FHIT: variants seen among roughly 807,000 people sequenced by gnomAD.
FHIT encodes fragile histidine triad diadenosine triphosphatase.
In FHIT, 19 loss-of-function variants were observed where a neutral mutation model predicts 17.9. That is an observed-to-expected ratio of 1.06 (90% CI 0.74 to 1.56). The LOEUF is 1.56. FHIT is among the 40% of genes most tolerant of loss of function. The pLI, the probability that FHIT is intolerant of heterozygous loss-of-function variation, is 0.00. For synonymous variants in FHIT, 81 were observed against 69.7 expected (o/e 1.16, Z -0.81); for missense variants, 248 against 189.2 (o/e 1.31, Z -1.82).
chr3:60,295,859 G>A (rs1412954748), intron 5 of FHIT, among the ~76,000 whole-genome samples: 2 of 152,110 alleles, frequency 1.3e-5, no homozygotes, highest in African/African-American at 4.8e-5. Flanking sequence ...AGGGTGATAT[G>A]GTTTGGCTGT....
intron 5 of FHIT, among the ~76,000 whole-genome samples, chr3:60,217,148 T>A (rs1221212532): frequency 6.6e-6 from 1 of 152,206 alleles, no homozygotes; most frequent in Non-Finnish European, 1.5e-5. Context: ...TAAAATGCGA[T>A]GATTCTGAAA....
At chr3:60,399,774 A>AACTAGTCC (rs1214992000) in intron 5 of FHIT, among the ~76,000 whole-genome samples, 1 of 152,124 alleles carries the variant, frequency 6.6e-6, no homozygotes, top group African/African-American at 2.4e-5. Context: ...TTAGCCTTGA[A>AACTAGTCC]ACTAGTCCCT....
chr3:61,115,441 C>A (rs1231660400), intron 2 of FHIT, among the ~76,000 whole-genome samples: 3 of 151,916 alleles, frequency 2.0e-5, no homozygotes, highest in Non-Finnish European at 2.9e-5. Context: ...AGGTAGAGCC[C>A]AACTGTCCAG....
At chr3:60,394,550 A>G (rs1701358654) in intron 5 of FHIT, among the ~76,000 whole-genome samples, 1 of 152,120 alleles carries the variant, frequency 6.6e-6, no homozygotes, top group Admixed American at 6.6e-5. Flanking sequence ...ATGGTTAAGG[A>G]CACAGGTACC....
Position 59,846,112 on chromosome 3 carries a change from G to C in FHIT, c.348+76234C>G, listed in dbSNP as rs931970875. On this transcript the variant is annotated intron_variant, in intron 8 of 9. Coordinates refer to ENST00000492590, the MANE Select transcript of FHIT (RefSeq NM_002012.4). ...AGTAATTACTGTTAAGGAGAGGTTTGATTCTGTCATTTTGTGACTTGTTTT... is the reference window on the plus strand; with the variant it reads ...AGTAATTACTGTTAAGGAGAGGTTTCATTCTGTCATTTTGTGACTTGTTTT... Among the ~76,000 whole-genome samples the C allele has an allele frequency of 2.6e-5, 4 of 152,030 alleles. No homozygotes were observed. The South Asian group carries it at 8.3e-4, about 32-fold the overall frequency.
intron 8 of FHIT, among the ~76,000 whole-genome samples, chr3:59,754,426 A>G (rs545478814): frequency 6.6e-6 from 1 of 152,240 alleles, no homozygotes; most frequent in East Asian, 1.9e-4. Context: ...CAGGCAAGGC[A>G]AACGGGATTG....
chr3:60,990,925 G>A (rs899703327), intron 3 of FHIT, among the ~76,000 whole-genome samples: 9 of 152,128 alleles, frequency 5.9e-5, no homozygotes, highest in South Asian at 4.1e-4. Context: ...GGCAATACCC[G>A]TTTGAGTACC....
chr3:60,269,150 T>A lies in FHIT; in HGVS notation c.104-254998A>T, dbSNP rs191709141. Among the ~76,000 whole-genome samples the A allele has an allele frequency of 1.0e-3, 155 of 152,330 alleles. 1 individual carries two copies. The highest frequency in any genetic ancestry group is 3.7e-3 in the African/African-American group (154 of 41,588). ...TTATGTTACTAAGTTTTCAGTAATC[T>A]GTTATGGAAGCCATCAAAAACTAGT... On this transcript the variant is annotated intron_variant, in intron 5 of 9. Transcript: ENST00000492590.
intron 8 of FHIT, among the ~76,000 whole-genome samples, chr3:59,877,241 TTC>T (rs141583743): frequency 0.022 from 3,319 of 152,326 alleles, 47 homozygotes; most frequent in South Asian, 0.063. Flanking sequence ...GAATCATGAT[TTC>T]TATAATGTGC....
At chr3:60,000,351 T>C (rs1201224457) in intron 7 of FHIT, among the ~76,000 whole-genome samples, 1 of 152,238 alleles carries the variant, frequency 6.6e-6, no homozygotes, top group Non-Finnish European at 1.5e-5. Flanking sequence ...TAAAGTTTTA[T>C]TGGAATACGG....
chr3:60,361,360 G>T (rs923735434), intron 5 of FHIT, among the ~76,000 whole-genome samples: 1 of 152,134 alleles, frequency 6.6e-6, no homozygotes, highest in African/African-American at 2.4e-5. Context: ...CAAAAAAATG[G>T]AAAAGGGCAC....
At chr3:59,765,999 A>C (rs1258797056) in intron 8 of FHIT, among the ~76,000 whole-genome samples, 2 of 152,200 alleles carry the variant, frequency 1.3e-5, no homozygotes, top group African/African-American at 4.8e-5. Flanking sequence ...ACACTTTAGG[A>C]ATCCATAGAG....
At chr3:60,378,370 C>T (rs1700664158) in intron 5 of FHIT, among the ~76,000 whole-genome samples, 1 of 152,090 alleles carries the variant, frequency 6.6e-6, no homozygotes, top group Non-Finnish European at 1.5e-5. Flanking sequence ...TAACGTTTGC[C>T]TAAATTTTCT....
intron 4 of FHIT, among the ~76,000 whole-genome samples, chr3:60,707,929 T>C (rs2041416207): frequency 6.6e-6 from 1 of 152,230 alleles, no homozygotes; most frequent in Non-Finnish European, 1.5e-5. Flanking sequence ...GCTAGAGTTT[T>C]AAAACTCTGT....
chr3:61,187,027 C>A (rs979119611), intron 2 of FHIT, among the ~76,000 whole-genome samples: 3 of 152,146 alleles, frequency 2.0e-5, no homozygotes, highest in Non-Finnish European at 2.9e-5. Context: ...GTCTCCTTCC[C>A]TAGGGCATAA....
intron 3 of FHIT, among the ~76,000 whole-genome samples, chr3:61,012,088 C>G (rs964168110): frequency 6.6e-6 from 1 of 152,144 alleles, no homozygotes; most frequent in South Asian, 2.1e-4. Context: ...ATACACTACT[C>G]AAAGAATGTA....
At chr3:61,190,988 G>T (rs535705669) in intron 2 of FHIT, among the ~76,000 whole-genome samples, 1 of 150,792 alleles carries the variant, frequency 6.6e-6, no homozygotes, top group African/African-American at 2.4e-5. Flanking sequence ...GCTAAATGAC[G>T]AGTTAATGGG....
chr3:59,905,896 A>G lies in FHIT; in HGVS notation c.348+16450T>C, dbSNP rs1054116924. On this transcript the variant is annotated intron_variant, in intron 8 of 9. Coordinates refer to ENST00000492590, the MANE Select transcript of FHIT (RefSeq NM_002012.4). ...TCATAATGCATTGGAAATTAAGTCA[A>G]TTTACAAAAAAAACCCCTCAGAAAT... Among the ~76,000 whole-genome samples, 6 of 150,100 alleles carry G rather than the reference A, an allele frequency of 4.0e-5. No homozygotes were observed. The South Asian group carries it at 1.3e-3, about 32-fold the overall frequency.
intron 3 of FHIT, among the ~76,000 whole-genome samples, chr3:60,847,512 GC>G (rs1702971183): frequency 6.6e-6 from 1 of 152,062 alleles, no homozygotes; most frequent in Non-Finnish European, 1.5e-5. Flanking sequence ...AAATCACAGG[GC>G]TATCAAATGA....
Sources: allele counts gnomAD v4.1 joint callset (sites outside exome capture counted in the v4.1 genomes callset), GRCh38; gene constraint gnomAD v4.1.1; transcripts MANE v1.5; gene names NCBI Gene and HGNC (gene_info 2026-07-23, HGNC 2026-07-21).